Variants in KCNAB1 observed in about 807,000 individuals in gnomAD.
KCNAB1 encodes the protein potassium voltage-gated channel subfamily A regulatory beta subunit 1.
Under a neutral mutation model 64.6 loss-of-function variants are expected in KCNAB1, and 35 were observed. The observed-to-expected ratio is 0.54, with a 90% confidence interval of 0.41 to 0.72. The LOEUF is 0.72. Ranked by LOEUF, KCNAB1 falls within the 30% of genes least tolerant of loss-of-function variation. The pLI, the probability that KCNAB1 is intolerant of heterozygous loss-of-function variation, is 0.00. For missense variants in KCNAB1, 401 were observed against 512.9 expected (o/e 0.78, Z 2.11); for synonymous variants, 177 against 183.8 (o/e 0.96, Z 0.30).
intron 4 of KCNAB1, among the ~76,000 whole-genome samples, chr3:156,457,946 A>G (rs1195161244): frequency 1.3e-5 from 2 of 152,210 alleles, no homozygotes; most frequent in Non-Finnish European, 2.9e-5. Context: ...CATATCTCAT[A>G]GTTTTTCAGC....
chr3:156,396,932 A>T (rs895383836), intron 1 of KCNAB1, among the ~76,000 whole-genome samples: 1 of 152,194 alleles, frequency 6.6e-6, no homozygotes, highest in African/African-American at 2.4e-5. Flanking sequence ...GTAATGACAC[A>T]ATCAAACACA....
At chr3:156,448,016 T>A (rs901252762) in intron 2 of KCNAB1, among the ~76,000 whole-genome samples, 3 of 152,188 alleles carry the variant, frequency 2.0e-5, no homozygotes, top group South Asian at 4.1e-4. Context: ...AAGATAGATG[T>A]GTGTGGTGGG....
intron 12 of KCNAB1, among the ~76,000 whole-genome samples, chr3:156,529,995 G>A (rs1718584884): frequency 6.6e-6 from 1 of 152,146 alleles, no homozygotes; most frequent in Non-Finnish European, 1.5e-5. Context: ...CTTAGCTTCT[G>A]GACACAGCAA....
At chr3:156,266,806 T>C (rs981891878) in intron 1 of KCNAB1, among the ~76,000 whole-genome samples, 11 of 152,222 alleles carry the variant, frequency 7.2e-5, no homozygotes, top group African/African-American at 1.9e-4. Context: ...GGTCATATTC[T>C]GGATAGTCTG....
chr3:156,483,404 A>G (rs1714971760), intron 8 of KCNAB1, among the ~76,000 whole-genome samples: 2 of 152,196 alleles, frequency 1.3e-5, no homozygotes, highest in South Asian at 4.1e-4. Context: ...TATATTTAGT[A>G]TATTTCAAAT....
chr3:156,246,661 T>A (rs1717478098), intron 1 of KCNAB1, among the ~76,000 whole-genome samples: 1 of 151,204 alleles, frequency 6.6e-6, no homozygotes, highest in South Asian at 2.1e-4. Flanking sequence ...CCCAACATTT[T>A]ATGTTAGTCA....
At chr3:156,394,270 A>G (rs1012188070) in intron 1 of KCNAB1, among the ~76,000 whole-genome samples, 3 of 152,188 alleles carry the variant, frequency 2.0e-5, no homozygotes, top group Admixed American at 1.3e-4. Context: ...ATATCCTAGA[A>G]TGGAGCTCAG....
At chr3:156,467,731 G>A (rs1370519576) in intron 7 of KCNAB1, among the ~76,000 whole-genome samples, 2 of 151,874 alleles carry the variant, frequency 1.3e-5, no homozygotes, top group Non-Finnish European at 2.9e-5. Flanking sequence ...TCAGTTTTTA[G>A]CATTTTAAAG....
At chr3:156,425,803 G>A (rs1469424931) in intron 2 of KCNAB1, among the ~76,000 whole-genome samples, 2 of 152,210 alleles carry the variant, frequency 1.3e-5, no homozygotes, top group Non-Finnish European at 1.5e-5. Flanking sequence ...TCTGACAGAT[G>A]CCGTAATGGA....
intron 1 of KCNAB1, among the ~76,000 whole-genome samples, chr3:156,140,665 A>G (rs1714654903): frequency 6.6e-6 from 1 of 152,232 alleles, no homozygotes; most frequent in Admixed American, 6.5e-5. Context: ...AAAAAAATTC[A>G]TTTAGGTAGA....
intron 1 of KCNAB1, among the ~76,000 whole-genome samples, chr3:156,367,552 C>T (rs1310864499): frequency 1.3e-5 from 2 of 152,152 alleles, no homozygotes; most frequent in African/African-American, 4.8e-5. Context: ...AAGCAATCTC[C>T]CTCTATCCTT....
At chr3:156,233,512 A>G (rs1419732210) in intron 1 of KCNAB1, among the ~76,000 whole-genome samples, 1 of 152,192 alleles carries the variant, frequency 6.6e-6, no homozygotes, top group East Asian at 1.9e-4. Context: ...GATAGAGGCC[A>G]GGTTGAGTAG....
chr3:156,426,387 CT>C (rs1276478521), intron 2 of KCNAB1, among the ~76,000 whole-genome samples: 1 of 152,220 alleles, frequency 6.6e-6, no homozygotes, highest in Non-Finnish European at 1.5e-5. Context: ...CCATACACCC[CT>C]ATCCCTACAC....
chr3:156,319,664 C>T (rs1722526309), intron 1 of KCNAB1, among the ~76,000 whole-genome samples: 1 of 152,172 alleles, frequency 6.6e-6, no homozygotes, highest in African/African-American at 2.4e-5. Flanking sequence ...TCCCTCAATG[C>T]ATTCTTAGTT....
chr3:156,413,702 G>A (rs1559872642), intron 1 of KCNAB1, among the ~76,000 whole-genome samples: 1 of 152,190 alleles, frequency 6.6e-6, no homozygotes, highest in Admixed American at 6.5e-5. Flanking sequence ...TCATAAGTGA[G>A]TAGCAATACT....
At chr3:156,292,111 G>C in intron 1 of KCNAB1, 1 of 1,613,972 alleles carries the variant, frequency 6.2e-7, no homozygotes, top group African/African-American at 1.3e-5. Flanking sequence ...CCGCAAAGCA[G>C]ACTGGCATGA....
intron 1 of KCNAB1, among the ~76,000 whole-genome samples, chr3:156,157,665 C>T (rs1211473225): frequency 2.0e-5 from 3 of 151,978 alleles, no homozygotes; most frequent in South Asian, 2.1e-4. Context: ...GTAGAATGTT[C>T]CACATCAATT....
chr3:156,430,687 C>T (rs970230484), intron 2 of KCNAB1, among the ~76,000 whole-genome samples: 16 of 152,204 alleles, frequency 1.1e-4, no homozygotes, highest in African/African-American at 3.9e-4. Context: ...GCTCCACTAG[C>T]AGCCTCGTCC....
At chr3:156,498,463 A>T (rs1716155190) in intron 8 of KCNAB1, among the ~76,000 whole-genome samples, 1 of 152,182 alleles carries the variant, frequency 6.6e-6, no homozygotes. Flanking sequence ...TTTTAAATAC[A>T]GGAGTTTCCC....
Sources: gnomAD v4.1 joint callset for allele counts (sites outside exome capture counted in the v4.1 genomes callset) on GRCh38, gnomAD v4.1.1 for gene constraint, MANE v1.5 for transcripts, NCBI Gene and HGNC (gene_info 2026-07-23, HGNC 2026-07-21) for gene names.